MVB12B: variants seen among roughly 807,000 people sequenced by gnomAD.
MVB12B encodes the protein multivesicular body subunit 12B.
MVB12B carries 16 observed loss-of-function variants against 41.6 expected under a neutral mutation model. The observed-to-expected ratio is 0.38, with a 90% CI of 0.26 to 0.58. MVB12B has a LOEUF of 0.58. MVB12B is among the 20% of genes least tolerant of loss of function. The pLI is 0.62. For missense variants in MVB12B, 274 were observed against 380.2 expected, an observed-to-expected ratio of 0.72 and a Z score of 2.32; for synonymous variants, 133 against 139.7, an observed-to-expected ratio of 0.95 and a Z score of 0.34.
At chr9:126,352,544 T>C (rs1195664601) in intron 2 of MVB12B, among the ~76,000 whole-genome samples, 1 of 152,242 alleles carries the variant, frequency 6.6e-6, no homozygotes, top group Admixed American at 6.5e-5. Flanking sequence ...TCTGGGTTGC[T>C]GATTTCTTTA....
At chr9:126,380,674 G>A (rs140497524) in intron 2 of MVB12B, among the ~76,000 whole-genome samples, 13 of 152,248 alleles carry the variant, frequency 8.5e-5, no homozygotes, top group African/African-American at 2.6e-4. Context: ...CGCAGGCAGC[G>A]CCCCCTCAGG....
At position 126,459,354 on chromosome 9, in the gene MVB12B, C is replaced by T. The variant is rs2119173469; in HGVS notation, c.758-22015C>T. Among the ~76,000 whole-genome samples the T allele has an allele frequency of 2.0e-5, 3 of 152,298 alleles. 1 individual carries two copies. In the East Asian group the frequency reaches 5.8e-4, roughly 29 times the overall value. On this transcript the variant is annotated intron_variant, in intron 7 of 9. Coordinates refer to ENST00000361171, the MANE Select transcript of MVB12B (RefSeq NM_033446.3). The surrounding 1 kb of genome is among the most constrained non-coding windows in gnomAD (Gnocchi z 4.3). ...CTTAGGGGACTGTGACCCATGGGGA[C>T]AGTCTAGCATGGTGCTTGGCACAAA...
intron 7 of MVB12B, among the ~76,000 whole-genome samples, chr9:126,427,727 G>A (rs1832221521): frequency 6.6e-6 from 1 of 152,198 alleles, no homozygotes; most frequent in South Asian, 2.1e-4. Flanking sequence ...GTGAGCCACA[G>A]TGCAGAAACT....
At chr9:126,441,701 C>A (rs1453186220) in intron 7 of MVB12B, among the ~76,000 whole-genome samples, 1 of 145,516 alleles carries the variant, frequency 6.9e-6, no homozygotes, top group Non-Finnish European at 1.6e-5. Context: ...CACAATTTCC[C>A]TAATAGCTAC....
chr9:126,433,003 T>A (rs1374171129), intron 7 of MVB12B, among the ~76,000 whole-genome samples: 2 of 151,994 alleles, frequency 1.3e-5, no homozygotes, highest in Non-Finnish European at 2.9e-5. Flanking sequence ...CAATGCTGGA[T>A]CCAAAGGAAA....
intron 9 of MVB12B, among the ~76,000 whole-genome samples, chr9:126,494,593 C>T (rs569152901): frequency 2.0e-5 from 3 of 152,160 alleles, no homozygotes; most frequent in Non-Finnish European, 4.4e-5. Flanking sequence ...ACTTTTGCAC[C>T]TCTAGTTTTA....
chr9:126,493,328 T>G (rs1833772475), intron 9 of MVB12B, among the ~76,000 whole-genome samples: 1 of 152,228 alleles, frequency 6.6e-6, no homozygotes, highest in African/African-American at 2.4e-5. Context: ...TTTCTTTGAC[T>G]CTTAAATGCC....
intron 9 of MVB12B, among the ~76,000 whole-genome samples, chr9:126,496,230 CATACACCCACTT>C (rs1221699223): frequency 7.1e-6 from 1 of 140,280 alleles, no homozygotes; most frequent in Admixed American, 7.2e-5. Flanking sequence ...CCCACCCATC[CATACACCCACTT>C]ACCCAACCAT....
intron 7 of MVB12B, among the ~76,000 whole-genome samples, chr9:126,462,447 A>T (rs537698771): frequency 2.0e-5 from 3 of 152,362 alleles, no homozygotes; most frequent in Admixed American, 2.0e-4. Context: ...GAGAACAATT[A>T]TACAGATTTT....
chr9:126,471,835 C>T (rs144666078), intron 7 of MVB12B, among the ~76,000 whole-genome samples: 120 of 152,220 alleles, frequency 7.9e-4, no homozygotes, highest in African/African-American at 2.8e-3. Flanking sequence ...AATTTTATTC[C>T]GAAAATGACT....
intron 9 of MVB12B, among the ~76,000 whole-genome samples, chr9:126,501,803 T>C (rs1351567018): frequency 6.6e-6 from 1 of 152,150 alleles, no homozygotes; most frequent in Non-Finnish European, 1.5e-5. Context: ...TTGGGAGGGC[T>C]CCTTGCTGCA....
chr9:126,362,374 A>G, intron 2 of MVB12B, among the ~76,000 whole-genome samples: 1 of 152,200 alleles, frequency 6.6e-6, no homozygotes, highest in East Asian at 1.9e-4. Context: ...CTTTGTAAAA[A>G]GCATAATAGA....
rs1179954523 is a variant in MVB12B, at chr9:126,506,245, TGGCCAGGCTCTA to T, written c.*2994_*3005del. On this transcript the variant is annotated 3_prime_UTR_variant, in exon 10 of 10. Transcript: ENST00000361171. ...CTCCCATGTTCTAAGCACCTGTTCC[TGGCCAGGCTCTA>T]GGCCAGGCTCTCTAAGCACATTTCT... 2 of 152,666 alleles carry T rather than the reference TGGCCAGGCTCTA, an allele frequency of 1.3e-5. No individual in the cohort carries two copies. The highest frequency in any genetic ancestry group is 2.9e-5 in the Non-Finnish European group (2 of 68,052). The allele number at this position is 152,666 out of a possible 1,614,324, so 9.5% of individuals were successfully genotyped here. A position where few individuals can be genotyped will look rare whatever the true frequency, so the allele number is the denominator to read the frequency against.
At chr9:126,496,269 C>T (rs1159561562) in intron 9 of MVB12B, among the ~76,000 whole-genome samples, 3 of 135,138 alleles carry the variant, frequency 2.2e-5, no homozygotes, top group Admixed American at 7.5e-5. Context: ...ACCTACCCAT[C>T]GCCCCACCCA....
intron 1 of MVB12B, among the ~76,000 whole-genome samples, chr9:126,336,963 G>T (rs1006412668): frequency 6.6e-6 from 1 of 152,146 alleles, no homozygotes; most frequent in Non-Finnish European, 1.5e-5. Context: ...CCTGCTCAAG[G>T]TCCAGTCTGA....
Position 126,506,717 on chromosome 9 carries a change from G to A in MVB12B, c.*3454G>A, listed in dbSNP as rs1009397016. On this transcript the variant is annotated 3_prime_UTR_variant, in exon 10 of 10. Coordinates refer to ENST00000361171, the MANE Select transcript of MVB12B (RefSeq NM_033446.3). ...ATGAACTTGGTTCGCAGCCTGCCTT[G>A]CCCCTGGAGGCCACGCCAGGCGCTC... The A allele has an allele frequency of 3.5e-4, 54 of 152,366 alleles. No individual in the cohort carries two copies. The highest frequency in any genetic ancestry group is 1.2e-3 in the African/African-American group (51 of 41,578). The allele number at this position is 152,366 out of a possible 1,614,324, so 9.4% of individuals were successfully genotyped here.
intron 8 of MVB12B, among the ~76,000 whole-genome samples, chr9:126,483,032 G>A (rs10819168): frequency 0.24 from 36,427 of 152,188 alleles, 4,754 homozygotes; most frequent in Non-Finnish European, 0.29. Context: ...AACCCCTGCT[G>A]GCTTCGCGGA....
chr9:126,354,202 A>G (rs1297621385), intron 2 of MVB12B, among the ~76,000 whole-genome samples: 5 of 152,000 alleles, frequency 3.3e-5, no homozygotes, highest in African/African-American at 9.7e-5. Flanking sequence ...CTTCCCTTAT[A>G]TATTCTGTGT....
chr9:126,327,413 C>A, intron 1 of MVB12B: 2 of 820,204 alleles, frequency 2.4e-6, no homozygotes, highest in Non-Finnish European at 2.9e-6. Flanking sequence ...TCTCTCTGGT[C>A]ACGTGGGTGC....
Sources: allele counts gnomAD v4.1 joint callset (sites outside exome capture counted in the v4.1 genomes callset), GRCh38; gene constraint gnomAD v4.1.1; non-coding constraint Gnocchi (gnomAD v3.1); transcripts MANE v1.5; gene names NCBI Gene and HGNC (gene_info 2026-07-23, HGNC 2026-07-21).